The following NF1 variants were observed in gnomAD, a reference collection of about 807,000 sequenced individuals.
NF1 encodes the protein neurofibromin.
NF1 carries 122 observed loss-of-function variants against 325.7 expected under a neutral mutation model. That is an observed-to-expected ratio of 0.37 (90% CI 0.32 to 0.44). NF1 has a LOEUF of 0.44. Ranked by LOEUF, NF1 falls within the 20% of genes least tolerant of loss-of-function variation. NF1 has a pLI of 1.00. For missense variants in NF1, 2,140 were observed against 3,415.4 expected (o/e 0.63, Z 9.31); for synonymous variants, 1,091 against 1,186.0 (o/e 0.92, Z 1.65).
At chr17:31,179,078 C>T (rs1187806621) in intron 5 of NF1, among the ~76,000 whole-genome samples, 1 of 152,216 alleles carries the variant, frequency 6.6e-6, no homozygotes, top group Non-Finnish European at 1.5e-5. Context: ...CTCAGCACCA[C>T]ATTGCACTTA....
At chr17:31,245,206 A>T (rs1166474302) in intron 29 of NF1, among the ~76,000 whole-genome samples, 1 of 152,200 alleles carries the variant, frequency 6.6e-6, no homozygotes, top group East Asian at 1.9e-4. Flanking sequence ...AATCTCATTC[A>T]TACCTACCAA....
At chr17:31,138,741 A>T (rs1237215977) in intron 1 of NF1, among the ~76,000 whole-genome samples, 1 of 144,882 alleles carries the variant, frequency 6.9e-6, no homozygotes, top group Non-Finnish European at 1.5e-5. Flanking sequence ...CTACAGGCTA[A>T]TTTTTTTTTT....
intron 36 of NF1, among the ~76,000 whole-genome samples, chr17:31,267,684 G>T (rs1314090703): frequency 6.6e-6 from 1 of 152,130 alleles, no homozygotes; most frequent in East Asian, 1.9e-4. Flanking sequence ...AATGCTTTTT[G>T]AATTGTGGAT....
intron 8 of NF1, 133 bp downstream of exon 8, chr17:31,182,798 C>CT: frequency 1.1e-6 from 1 of 902,334 alleles, no homozygotes; most frequent in Non-Finnish European, 1.7e-6. Context: ...TTTTAGGTTT[C>CT]TTTGTTTGAT....
At chr17:31,370,624 C>G (rs1052991649) in intron 57 of NF1, among the ~76,000 whole-genome samples, 1 of 152,160 alleles carries the variant, frequency 6.6e-6, no homozygotes, top group African/African-American at 2.4e-5. Flanking sequence ...TACATTACTA[C>G]AATTTATGTA....
intron 36 of NF1, among the ~76,000 whole-genome samples, chr17:31,269,008 A>AT (rs111463785): frequency 8.8e-5 from 13 of 148,212 alleles, no homozygotes; most frequent in South Asian, 4.3e-4. Flanking sequence ...ACCTGGCCTA[A>AT]TTTTTTTTTT....
chr17:31,174,206 TA>T (rs1458982838), intron 5 of NF1, among the ~76,000 whole-genome samples: 1 of 152,214 alleles, frequency 6.6e-6, no homozygotes, highest in Admixed American at 6.5e-5. Flanking sequence ...AAGAAGAAAT[TA>T]AAATACCCAA....
intron 36 of NF1, among the ~76,000 whole-genome samples, chr17:31,306,848 T>C (rs955766133): frequency 1.3e-5 from 2 of 150,414 alleles, no homozygotes; most frequent in Admixed American, 6.6e-5. Context: ...CAGATTCTAG[T>C]GATAGAAGCA....
At position 31,376,722 on chromosome 17, in the gene NF1, G is replaced by C. The variant is rs995651752; in HGVS notation, c.*2567G>C. ...CTGTTAAAAATATTATAAGTAATTCGTTTCGGTTTGTAGATGTTTCCCCTG... is the reference window on the plus strand; with the variant it reads ...CTGTTAAAAATATTATAAGTAATTCCTTTCGGTTTGTAGATGTTTCCCCTG... On this transcript the variant is annotated 3_prime_UTR_variant, in exon 58 of 58. Transcript: ENST00000358273. 4.3e-6 allele frequency: 1 copy of C among 232,992 alleles called. No homozygotes were observed. Among genetic ancestry groups the C allele is most frequent in the Non-Finnish European group, 8.5e-6 (1 of 117,974 alleles). The allele number at this position is 232,992 out of a possible 1,614,324, so 14.4% of individuals were successfully genotyped here. A position where few individuals can be genotyped will look rare whatever the true frequency, so the allele number is the denominator to read the frequency against.
At position 31,340,788 on chromosome 17, in the gene NF1, CCT is replaced by C. The variant is rs2069800689; in HGVS notation, c.7062+144_7062+145del. On this transcript the variant is annotated intron_variant, in intron 47 of 57. Coordinates refer to ENST00000358273, the MANE Select transcript of NF1 (RefSeq NM_001042492.3). ...AATGTAACTTATTGTGAGTATATTT[CCT>C]TACCAGCTCATAAAGAACTATGTAA... 4 of 825,090 alleles carry C rather than the reference CCT, an allele frequency of 4.8e-6. No individual in the cohort carries two copies. In the Admixed American group the frequency reaches 1.0e-4, roughly 21 times the overall value. The allele number at this position is 825,090 out of a possible 1,614,324, so 51.1% of individuals were successfully genotyped here. A position where few individuals can be genotyped will look rare whatever the true frequency, so the allele number is the denominator to read the frequency against.
At chr17:31,252,625 G>A (rs1384837347) in intron 30 of NF1, 2 of 325,394 alleles carry the variant, frequency 6.1e-6, no homozygotes, top group East Asian at 9.5e-5. Flanking sequence ...CAAAAGCTAG[G>A]AATTAACCAA....
At chr17:31,207,913 G>T (rs1286344817) in intron 12 of NF1, among the ~76,000 whole-genome samples, 1 of 152,146 alleles carries the variant, frequency 6.6e-6, no homozygotes, top group Non-Finnish European at 1.5e-5. Context: ...TTGTTGGGGG[G>T]TTAATATTCA....
chr17:31,222,094 A>G, intron 15 of NF1, 165 bp downstream of exon 15: 1 of 1,297,128 alleles, frequency 7.7e-7, no homozygotes, highest in Non-Finnish European at 9.8e-7. Flanking sequence ...TTCTTGTTTT[A>G]ACTGTAAGAA....
chr17:31,334,052 C>A (rs1035065431), intron 39 of NF1, among the ~76,000 whole-genome samples: 3 of 151,968 alleles, frequency 2.0e-5, no homozygotes, highest in African/African-American at 7.2e-5. Context: ...TTTGGGAGGC[C>A]GAGGCGGGCA....
intron 29 of NF1, among the ~76,000 whole-genome samples, chr17:31,242,190 G>A (rs963235152): frequency 2.6e-5 from 4 of 150,980 alleles, no homozygotes; most frequent in South Asian, 4.2e-4. Flanking sequence ...ACCTTTGGGA[G>A]TCTGATTATT....
At chr17:31,220,847 AC>A (rs1293343147) in intron 14 of NF1, among the ~76,000 whole-genome samples, 3 of 152,192 alleles carry the variant, frequency 2.0e-5, no homozygotes, top group Non-Finnish European at 4.4e-5. Context: ...AGTAAATTGT[AC>A]CACGTTTTTG....
In NF1 at chr17:31,235,476, A is replaced by T. The variant is rs1372377055; in HGVS notation, c.3709-135A>T. On this transcript the variant is annotated intron_variant, in intron 27 of 57. Coordinates refer to ENST00000358273, the MANE Select transcript of NF1 (RefSeq NM_001042492.3). ...TACACTGTTAAATCTCAGGATAAAT[A>T]TTAATCAGTCATCATTTGCCTTAAT... 9.8e-5 allele frequency: 82 copies of T among 840,446 alleles called. 1 individual carries two copies. The South Asian group carries it at 1.1e-3, about 11-fold the overall frequency. 52.1% of individuals were successfully genotyped at this position (840,446 alleles called of 1,614,324 possible). A position where few individuals can be genotyped will look rare whatever the true frequency, so the allele number is the denominator to read the frequency against.
At chr17:31,132,050 C>T (rs1915432781) in intron 1 of NF1, among the ~76,000 whole-genome samples, 1 of 152,094 alleles carries the variant, frequency 6.6e-6, no homozygotes, top group Admixed American at 6.6e-5. Context: ...CCCACCTTAG[C>T]CTCTCAAGTA....
rs1438566555 is a variant in NF1 at position 31,159,031 on chromosome 17, GA to G, written c.233del (p.Asn78IlefsTer7). ...NNMRIFGEAAEKNLYLSQLII... is the reference protein window; with the variant it reads ...NNMRIFGEAAXKNLYLSQLII... Reference sequence around the variant, plus strand: ...TTAGAGAATATTTGGAGAAGCTGCTGAAAAAAATTTATATCTCTCTCAGTTG... The same window carrying G: ...TTAGAGAATATTTGGAGAAGCTGCTGAAAAAATTTATATCTCTCTCAGTTG... On this transcript the variant is annotated frameshift_variant, in exon 3 of 58. Transcript: ENST00000358273. LOFTEE classifies it high-confidence loss of function. The G allele has an allele frequency of 1.9e-6, 3 of 1,606,460 alleles. No individual in the cohort carries two copies. The highest frequency in any genetic ancestry group is 1.7e-6 in the Non-Finnish European group (2 of 1,173,382).
Sources: gnomAD v4.1 joint callset for allele counts (sites outside exome capture counted in the v4.1 genomes callset) on GRCh38, gnomAD v4.1.1 for gene constraint, MANE v1.5 for transcripts, NCBI Gene and HGNC (gene_info 2026-07-23, HGNC 2026-07-21) for gene names.